The following VPS13A variants were observed in gnomAD, a reference collection of about 807,000 sequenced individuals.
VPS13A encodes vacuolar protein sorting 13 homolog A.
Under a neutral mutation model 390.9 loss-of-function variants are expected in VPS13A, and 264 were observed. The ratio of observed to expected loss-of-function variants is 0.68; its 90% confidence interval spans 0.61 to 0.75. The LOEUF is 0.75. Ranked by LOEUF, VPS13A falls within the 30% of genes least tolerant of loss-of-function variation. The probability of loss-of-function intolerance (pLI) is 0.00; values close to 1 mark genes in which losing one functional copy is unlikely to be tolerated. For synonymous variants in VPS13A, 1,231 were observed against 1,227.1 expected (o/e 1.00, Z -0.07); for missense variants, 3,409 against 3,733.9 (o/e 0.91, Z 2.27).
chr9:77,184,355 A>AT (rs1564614006), intron 1 of VPS13A, among the ~76,000 whole-genome samples: 1 of 152,204 alleles, frequency 6.6e-6, no homozygotes, highest in Admixed American at 6.5e-5. Context: ...ATGATGGCTC[A>AT]TGCCTGTAAT....
At chr9:77,224,363 T>C (rs1206565938) in intron 13 of VPS13A, among the ~76,000 whole-genome samples, 1 of 152,182 alleles carries the variant, frequency 6.6e-6, no homozygotes, top group Non-Finnish European at 1.5e-5. Flanking sequence ...CTCTGATGGA[T>C]CTGGGCAAAG....
At chr9:77,219,852 G>C (rs981346778) in intron 10 of VPS13A, 102 bp from the exon 11 acceptor site, 2 of 1,217,126 alleles carry the variant, frequency 1.6e-6, no homozygotes, top group African/African-American at 3.0e-5. Context: ...TGTAGAAGGG[G>C]TATAAAATAA....
intron 45 of VPS13A, among the ~76,000 whole-genome samples, chr9:77,330,285 G>A (rs1830216106): frequency 1.3e-5 from 2 of 152,118 alleles, no homozygotes; most frequent in African/African-American, 2.4e-5. Context: ...CAAAGTGCTG[G>A]AATTATAATA....
intron 45 of VPS13A, among the ~76,000 whole-genome samples, chr9:77,325,906 A>G (rs1184304855): frequency 6.6e-6 from 1 of 152,206 alleles, no homozygotes; most frequent in Admixed American, 6.5e-5. Context: ...TTAAAATACA[A>G]ACTGTATTTG....
Position 77,413,321 on chromosome 9 carries a change from C to T in VPS13A, c.9475-2635C>T, listed in dbSNP as rs201939048. 1.9e-4 allele frequency among the ~76,000 whole-genome samples: 29 copies of T among 152,154 alleles called. 1 individual carries two copies. Among genetic ancestry groups the T allele is most frequent in the East Asian group, 3.9e-4 (2 of 5,188 alleles). ...CAAAAGAACAAAGTTGGAGGCATCACGCTACCTGACTTCAAACTATACTAC... is the reference window on the plus strand; with the variant it reads ...CAAAAGAACAAAGTTGGAGGCATCATGCTACCTGACTTCAAACTATACTAC... On this transcript the variant is annotated intron_variant, in intron 71 of 71. Coordinates refer to ENST00000360280, the MANE Select transcript of VPS13A (RefSeq NM_033305.3).
At chr9:77,317,386 T>A (rs1829462162) in intron 39 of VPS13A, among the ~76,000 whole-genome samples, 1 of 152,040 alleles carries the variant, frequency 6.6e-6, no homozygotes, top group Non-Finnish European at 1.5e-5. Context: ...AGCTACCTTG[T>A]GCTCAGATAA....
At chr9:77,288,823 C>A (rs1311996965) in intron 31 of VPS13A, among the ~76,000 whole-genome samples, 2 of 152,128 alleles carry the variant, frequency 1.3e-5, no homozygotes, top group Non-Finnish European at 2.9e-5. Flanking sequence ...TGTGTTGAAG[C>A]CTCTGATTAT....
chr9:77,356,137 C>T (rs144151818), intron 54 of VPS13A, among the ~76,000 whole-genome samples: 118 of 152,204 alleles, frequency 7.8e-4, no homozygotes, highest in African/African-American at 1.9e-3. Context: ...TTTTCTATTC[C>T]TAATGTGTTC....
chr9:77,179,491 A>G (rs2131037247), intron 1 of VPS13A, among the ~76,000 whole-genome samples: 1 of 152,230 alleles, frequency 6.6e-6, no homozygotes, highest in South Asian at 2.1e-4. Context: ...TGCCTCCCAA[A>G]GTGCTGGGAT....
rs527345941 is a variant in VPS13A, at chr9:77,213,497, CT to C, written c.696+200del. On this transcript the variant is annotated intron_variant, in intron 9 of 71. Transcript: ENST00000360280. ...CAAACATGAATACATACCCCCATAT[CT>C]TTTTTTTTTTTTTTTTGAGACAAGG... 0.14 allele frequency among the ~76,000 whole-genome samples: 20,197 copies of C among 139,910 alleles called. 1,365 individuals carry two copies. The highest frequency in any genetic ancestry group is 0.22 in the African/African-American group (8,326 of 37,760). 91.8% of individuals were successfully genotyped at this position (139,910 alleles called of 152,430 possible).
chr9:77,405,817 G>A (rs759700043), intron 69 of VPS13A, 47 bp from the exon 70 acceptor site: 6 of 1,606,880 alleles, frequency 3.7e-6, no homozygotes, highest in Non-Finnish European at 5.1e-6. Flanking sequence ...TTGGATATAA[G>A]TGCCTCAATT....
chr9:77,230,656 A>ATTCT (rs1823779682), intron 17 of VPS13A, among the ~76,000 whole-genome samples: 1 of 152,060 alleles, frequency 6.6e-6, no homozygotes, highest in African/African-American at 2.4e-5. Flanking sequence ...TGTAATCAGG[A>ATTCT]AGTATGACTC....
At position 77,314,052 on chromosome 9, in the gene VPS13A, C is replaced by T; in HGVS notation, c.4175C>T (p.Thr1392Ile). 1.2e-6 allele frequency: 2 copies of T among 1,613,272 alleles called. No individual in the cohort carries two copies. The highest frequency in any genetic ancestry group is 1.7e-6 in the Non-Finnish European group (2 of 1,179,570). The change falls in exon 36 of 72, where the codon ACA becomes ATA. Residue 1392 changes from threonine (T) to isoleucine (I), a missense_variant. Transcript: ENST00000360280. ...EVHSRALLVK[T>I]TLNISFKTDD... ...CATTCACGTGCCTTACTAGTTAAGA[C>T]AACACTAAACATAAGCTTCAAAACT...
chr9:77,357,972 TTGA>T, intron 56 of VPS13A, 134 bp downstream of exon 56: 2 of 838,696 alleles, frequency 2.4e-6, no homozygotes, highest in South Asian at 3.8e-5. Context: ...TTTTTTTTTT[TTGA>T]GACAGAGTCT....
chr9:77,288,148 G>A (rs979345607), intron 31 of VPS13A, among the ~76,000 whole-genome samples: 5 of 150,476 alleles, frequency 3.3e-5, no homozygotes, highest in Admixed American at 2.7e-4. Context: ...AGTCTTTCAC[G>A]TTTTTTTTTC....
intron 6 of VPS13A, among the ~76,000 whole-genome samples, chr9:77,210,160 C>CCTCTCTCTCTCTCTCTCT (rs150244384): frequency 9.3e-6 from 1 of 107,480 alleles, no homozygotes; most frequent in African/African-American, 3.9e-5. Context: ...CCCCCACCTC[C>CCTCTCTCTCTCTCTCTCT]CTCTCTCTCT....
chr9:77,295,892 A>C (rs1372318059), intron 33 of VPS13A, 46 bp downstream of exon 33: 1 of 1,592,606 alleles, frequency 6.3e-7, no homozygotes, highest in Non-Finnish European at 8.6e-7. Flanking sequence ...ATATTTTTCT[A>C]ACTTTTTAAA....
intron 67 of VPS13A, among the ~76,000 whole-genome samples, chr9:77,378,034 G>A (rs1833202737): frequency 6.6e-6 from 1 of 152,010 alleles, no homozygotes; most frequent in South Asian, 2.1e-4. Flanking sequence ...ATGTGTAATC[G>A]TTTTTATATT....
intron 41 of VPS13A, among the ~76,000 whole-genome samples, chr9:77,318,904 T>TA (rs1829564304): frequency 6.6e-6 from 1 of 151,968 alleles, no homozygotes; most frequent in Non-Finnish European, 1.5e-5. Flanking sequence ...TTTAAAGAGT[T>TA]AAATTGAGGC....
Sources: gnomAD v4.1 joint callset for allele counts (sites outside exome capture counted in the v4.1 genomes callset) on GRCh38, gnomAD v4.1.1 for gene constraint, MANE v1.5 for transcripts, NCBI Gene and HGNC (gene_info 2026-07-23, HGNC 2026-07-21) for gene names.